Variants in KSR2 observed in about 807,000 individuals in gnomAD.
KSR2 encodes kinase suppressor of ras 2.
In KSR2, 25 loss-of-function variants were observed where a neutral mutation model predicts 107.8. The ratio of observed to expected loss-of-function variants is 0.23; its 90% CI spans 0.17 to 0.32. KSR2 has a LOEUF of 0.32. Ranked by LOEUF, KSR2 falls within the 10% of genes least tolerant of loss-of-function variation. The pLI, the probability that KSR2 is intolerant of heterozygous loss-of-function variation, is 1.00. For synonymous variants in KSR2, 480 were observed against 507.0 expected (o/e 0.95, Z 0.71); for missense variants, 887 against 1,268.9 (o/e 0.70, Z 4.57).
In KSR2 at chr12:117,877,956, G is replaced by A. The variant is rs560300105; in HGVS notation, c.181-17525C>T. Among the ~76,000 whole-genome samples, 6 of 152,254 alleles carry A rather than the reference G, an allele frequency of 3.9e-5. No individual in the cohort carries two copies. In the South Asian group the frequency reaches 6.2e-4, roughly 16 times the overall value. On this transcript the variant is annotated intron_variant, in intron 1 of 19. Transcript: ENST00000339824. ...ACCACTGCATGGGGCTTTGCCGCCC[G>A]GCCCTATGAGAGATGGGTTCTTTAT...
chr12:117,679,158 AAGG>A (rs1885263208), intron 4 of KSR2, among the ~76,000 whole-genome samples: 2 of 152,050 alleles, frequency 1.3e-5, no homozygotes, highest in African/African-American at 4.8e-5. Context: ...TGTATCCTTA[AAGG>A]CTGAACTCAA....
chr12:117,661,921 G>C (rs185319657), intron 5 of KSR2, among the ~76,000 whole-genome samples: 1 of 152,210 alleles, frequency 6.6e-6, no homozygotes, highest in African/African-American at 2.4e-5. Context: ...TTTAGGAACT[G>C]TTCTGTAGCA....
At position 117,656,637 on chromosome 12, in the gene KSR2, G is replaced by A. The variant is rs984144754; in HGVS notation, c.1171+10837C>T. ...CTAAAAAATTAACGTTTGAGTCAGC[G>A]GGCTAGGGAAGGCAGATCCACCCTT... On this transcript the variant is annotated intron_variant, in intron 5 of 19. Transcript: ENST00000339824. 2.0e-5 allele frequency among the ~76,000 whole-genome samples: 3 copies of A among 152,050 alleles called. No individual in the cohort carries two copies. In the South Asian group the frequency reaches 6.2e-4, roughly 32 times the overall value.
intron 8 of KSR2, 61 bp downstream of exon 8, chr12:117,558,445 G>C: frequency 7.5e-7 from 1 of 1,326,582 alleles, no homozygotes; most frequent in Admixed American, 1.7e-5. Flanking sequence ...CAGCTATGTG[G>C]GGGACCTGCA....
chr12:117,508,182 TA>T (rs1643305073), intron 14 of KSR2, among the ~76,000 whole-genome samples: 1 of 152,252 alleles, frequency 6.6e-6, no homozygotes, highest in Admixed American at 6.5e-5. Context: ...TGCAGTTCAC[TA>T]AAATTCCCAT....
At chr12:117,858,111 G>A (rs924197182) in intron 2 of KSR2, among the ~76,000 whole-genome samples, 8 of 152,072 alleles carry the variant, frequency 5.3e-5, no homozygotes, top group African/African-American at 1.9e-4. Flanking sequence ...AGACTCTTTC[G>A]GTTTTTAAGT....
At chr12:117,644,440 G>C (rs1883524768) in intron 5 of KSR2, among the ~76,000 whole-genome samples, 1 of 152,196 alleles carries the variant, frequency 6.6e-6, no homozygotes, top group African/African-American at 2.4e-5. Flanking sequence ...ACTAAAGCAG[G>C]ATCAGTGGTT....
At position 117,833,409 on chromosome 12, in the gene KSR2, C is replaced by T. The variant is rs557201467; in HGVS notation, c.472+22019G>A. Among the ~76,000 whole-genome samples, 8 of 152,250 alleles carry T rather than the reference C, an allele frequency of 5.3e-5. No individual in the cohort carries two copies. In the East Asian group the frequency reaches 1.5e-3, roughly 29 times the overall value. ...ACAGGGTCCTGCTCCGCCACCCAGG[C>T]AGGAGTGCAGTGGCATGATCATAGC... On this transcript the variant is annotated intron_variant, in intron 3 of 19. Coordinates refer to ENST00000339824, the MANE Select transcript of KSR2 (RefSeq NM_173598.6).
intron 4 of KSR2, among the ~76,000 whole-genome samples, chr12:117,742,551 G>GATGGATGA (rs71099075): frequency 6.6e-6 from 1 of 151,670 alleles, no homozygotes; most frequent in Admixed American, 6.6e-5. Context: ...TGGATGGATG[G>GATGGATGA]ATGAATGGGC....
intron 3 of KSR2, among the ~76,000 whole-genome samples, chr12:117,793,554 C>G (rs1053775764): frequency 2.7e-5 from 4 of 149,816 alleles, no homozygotes; most frequent in African/African-American, 7.4e-5. Flanking sequence ...AACATGCACA[C>G]TCACACCAAC....
chr12:117,838,672 A>AC (rs1442393951), intron 3 of KSR2, among the ~76,000 whole-genome samples: 5 of 151,778 alleles, frequency 3.3e-5, no homozygotes, highest in South Asian at 4.2e-4. Context: ...ATATTCATTC[A>AC]CCCCCACTAC....
intron 7 of KSR2, among the ~76,000 whole-genome samples, chr12:117,568,040 G>T (rs2136207715): frequency 6.6e-6 from 1 of 152,280 alleles, no homozygotes; most frequent in African/African-American, 2.4e-5. Context: ...ATGAGCAAAG[G>T]GCGGTAGGAA....
In KSR2 at chr12:117,641,700, A is replaced by T. The variant is rs145958157; in HGVS notation, c.1171+25774T>A. On this transcript the variant is annotated intron_variant, in intron 5 of 19. Transcript: ENST00000339824. ...CAAGGTATTGGGGGTTAGGACTTCA[A>T]CATATCTTTTTTAATGGGGGGCACA... Among the ~76,000 whole-genome samples the T allele has an allele frequency of 2.8e-3, 428 of 152,248 alleles. 2 individuals carry two copies. Among genetic ancestry groups the T allele is most frequent in the African/African-American group, 9.8e-3 (407 of 41,542 alleles).
chr12:117,660,547 T>G (rs10850882), intron 5 of KSR2, among the ~76,000 whole-genome samples: 1 of 151,988 alleles, frequency 6.6e-6, no homozygotes, highest in South Asian at 2.1e-4. Flanking sequence ...TAGGGCCCAT[T>G]CTAATGACCT....
chr12:117,507,045 A>G (rs1873737572), intron 14 of KSR2, among the ~76,000 whole-genome samples: 1 of 152,224 alleles, frequency 6.6e-6, no homozygotes, highest in Non-Finnish European at 1.5e-5. Flanking sequence ...TTGATTCAGT[A>G]AAGGAAAAAA....
At chr12:117,942,160 A>T (rs1215507283) in intron 1 of KSR2, among the ~76,000 whole-genome samples, 2 of 152,208 alleles carry the variant, frequency 1.3e-5, no homozygotes, top group Non-Finnish European at 2.9e-5. Flanking sequence ...ATGTGTAATG[A>T]TCTAATCTGG....
chr12:117,779,341 G>A (rs1287598128), intron 3 of KSR2, among the ~76,000 whole-genome samples: 1 of 152,188 alleles, frequency 6.6e-6, no homozygotes, highest in Admixed American at 6.5e-5. Context: ...CAGGGCCAGT[G>A]AGCTGGGTTT....
intron 12 of KSR2, among the ~76,000 whole-genome samples, chr12:117,529,109 C>A (rs1465368610): frequency 6.6e-6 from 1 of 152,144 alleles, no homozygotes; most frequent in African/African-American, 2.4e-5. Flanking sequence ...GTTAGGGGAC[C>A]CAGAAGAAAA....
chr12:117,664,113 C>G (rs1350036483), intron 5 of KSR2, among the ~76,000 whole-genome samples: 3 of 152,174 alleles, frequency 2.0e-5, no homozygotes, highest in East Asian at 1.9e-4. Flanking sequence ...GAGACAGATT[C>G]CTCCATGAGC....
Sources: gnomAD v4.1 joint callset for allele counts (sites outside exome capture counted in the v4.1 genomes callset) on GRCh38, gnomAD v4.1.1 for gene constraint, MANE v1.5 for transcripts, NCBI Gene and HGNC (gene_info 2026-07-23, HGNC 2026-07-21) for gene names.